CPQ: variants seen among roughly 807,000 people sequenced by gnomAD.
The protein encoded by CPQ is carboxypeptidase Q.
A neutral mutation model predicts 45.7 loss-of-function variants in CPQ; 37 were observed. The observed-to-expected ratio is 0.81, with a 90% CI of 0.62 to 1.07. CPQ has a LOEUF of 1.07. Ranked by LOEUF, CPQ falls within the 50% of genes least tolerant of loss-of-function variation. The pLI, the probability that CPQ is intolerant of heterozygous loss-of-function variation, is 0.00. For synonymous variants in CPQ, 186 were observed against 205.8 expected (o/e 0.90, Z 0.82); for missense variants, 537 against 572.9 (o/e 0.94, Z 0.64).
chr8:96,851,618 T>C (rs1470506610), intron 3 of CPQ, among the ~76,000 whole-genome samples: 1 of 152,150 alleles, frequency 6.6e-6, no homozygotes, highest in African/African-American at 2.4e-5. Context: ...CTTAATCCCA[T>C]TTATGAGGGG....
intron 1 of CPQ, among the ~76,000 whole-genome samples, chr8:96,765,314 A>G (rs909321072): frequency 1.3e-5 from 2 of 152,178 alleles, no homozygotes; most frequent in Non-Finnish European, 2.9e-5. Context: ...TGACTTTCAA[A>G]AACATGGGCC....
chr8:96,828,010 A>G (rs1811400932), intron 2 of CPQ, among the ~76,000 whole-genome samples: 1 of 152,124 alleles, frequency 6.6e-6, no homozygotes, highest in Non-Finnish European at 1.5e-5. Flanking sequence ...TTCAGTTTAT[A>G]TAAAACTTTC....
intron 4 of CPQ, among the ~76,000 whole-genome samples, chr8:96,918,438 A>G (rs1812760422): frequency 6.6e-6 from 1 of 152,012 alleles, no homozygotes; most frequent in Admixed American, 6.6e-5. Flanking sequence ...TGGGACCAAT[A>G]ATTGACTCTT....
At chr8:96,721,907 C>G (rs1266246320) in intron 1 of CPQ, among the ~76,000 whole-genome samples, 1 of 152,198 alleles carries the variant, frequency 6.6e-6, no homozygotes, top group Non-Finnish European at 1.5e-5. Flanking sequence ...AATTCCTACT[C>G]TGTCTCCCCA....
At chr8:96,793,035 C>T (rs1418240306) in intron 2 of CPQ, among the ~76,000 whole-genome samples, 1 of 151,986 alleles carries the variant, frequency 6.6e-6, no homozygotes, top group African/African-American at 2.4e-5. Flanking sequence ...GGTTACTGCC[C>T]CCCATGATTC....
At chr8:96,748,854 C>G (rs1226493597) in intron 1 of CPQ, among the ~76,000 whole-genome samples, 1 of 152,110 alleles carries the variant, frequency 6.6e-6, no homozygotes, top group Non-Finnish European at 1.5e-5. Context: ...GGTAACAGGA[C>G]CTGTGTCCCT....
At chr8:96,878,255 C>T (rs1321100962) in intron 3 of CPQ, among the ~76,000 whole-genome samples, 3 of 152,192 alleles carry the variant, frequency 2.0e-5, no homozygotes, top group African/African-American at 2.4e-5. Context: ...CATGAGCCAC[C>T]ATGCCCGGCT....
chr8:96,705,024 A>G (rs1005295429), intron 1 of CPQ, among the ~76,000 whole-genome samples: 2 of 152,174 alleles, frequency 1.3e-5, no homozygotes, highest in Non-Finnish European at 2.9e-5. Context: ...GTAGAGTAAC[A>G]AAAACAGAGG....
chr8:97,135,209 A>T (rs564724223), intron 7 of CPQ, among the ~76,000 whole-genome samples: 39 of 152,190 alleles, frequency 2.6e-4, no homozygotes, highest in Non-Finnish European at 5.1e-4. Flanking sequence ...GTAGCTTGAG[A>T]GTTAGAAACT....
chr8:97,068,787 T>C (rs957699229), intron 7 of CPQ, among the ~76,000 whole-genome samples: 1 of 152,226 alleles, frequency 6.6e-6, no homozygotes, highest in East Asian at 1.9e-4. Flanking sequence ...ATTTTGCAGA[T>C]GAAGAAACAG....
chr8:96,918,077 T>G (rs1251133024), intron 4 of CPQ, among the ~76,000 whole-genome samples: 2 of 152,140 alleles, frequency 1.3e-5, no homozygotes, highest in Non-Finnish European at 2.9e-5. Flanking sequence ...TTTAAATTTA[T>G]CCAGGGGATA....
chr8:96,964,092 C>T (rs113373992), intron 4 of CPQ, among the ~76,000 whole-genome samples: 15 of 126,306 alleles, frequency 1.2e-4, no homozygotes, highest in African/African-American at 4.2e-4. Flanking sequence ...AGTTTTCTTT[C>T]TTTTTTTTTT....
At chr8:96,884,405 A>G (rs1228529295) in intron 4 of CPQ, among the ~76,000 whole-genome samples, 1 of 152,108 alleles carries the variant, frequency 6.6e-6, no homozygotes, top group Non-Finnish European at 1.5e-5. Flanking sequence ...ATTTTAAAAC[A>G]TTTGATCTCA....
At chr8:96,985,950 T>C (rs1480569849) in intron 5 of CPQ, among the ~76,000 whole-genome samples, 1 of 152,212 alleles carries the variant, frequency 6.6e-6, no homozygotes, top group Non-Finnish European at 1.5e-5. Flanking sequence ...TCTATGTTTT[T>C]TAGAATACTT....
chr8:96,700,324 G>A (rs965735180), intron 1 of CPQ, among the ~76,000 whole-genome samples: 2 of 152,058 alleles, frequency 1.3e-5, no homozygotes, highest in Non-Finnish European at 2.9e-5. Context: ...GTCTGGAGGA[G>A]GATTTTCATG....
intron 7 of CPQ, among the ~76,000 whole-genome samples, chr8:97,130,385 C>G (rs1250979180): frequency 6.7e-6 from 1 of 148,700 alleles, no homozygotes; most frequent in African/African-American, 2.5e-5. Context: ...TGTTACCCGA[C>G]AAAGTAGCAT....
chr8:96,912,331 G>A (rs1413314016), intron 4 of CPQ, among the ~76,000 whole-genome samples: 1 of 152,158 alleles, frequency 6.6e-6, no homozygotes, highest in Admixed American at 6.5e-5. Flanking sequence ...TGTGAGCAAG[G>A]TGGTAAGAAA....
intron 4 of CPQ, among the ~76,000 whole-genome samples, chr8:96,890,447 C>T (rs1468127624): frequency 6.6e-6 from 1 of 152,162 alleles, no homozygotes; most frequent in Non-Finnish European, 1.5e-5. Flanking sequence ...AACCTTCACT[C>T]CTGAAGGGTC....
chr8:97,113,175 T>G (rs1586547277), intron 7 of CPQ, among the ~76,000 whole-genome samples: 1 of 148,494 alleles, frequency 6.7e-6, no homozygotes, highest in African/African-American at 2.5e-5. Flanking sequence ...TGGGGAAGAG[T>G]TTTGCAAGGA....
Sources: allele counts gnomAD v4.1 joint callset (sites outside exome capture counted in the v4.1 genomes callset), GRCh38; gene constraint gnomAD v4.1.1; transcripts MANE v1.5; gene names NCBI Gene and HGNC (gene_info 2026-07-23, HGNC 2026-07-21).